Variants in ADGRB3 observed in about 807,000 individuals in gnomAD.
ADGRB3 encodes adhesion G protein-coupled receptor B3, also known as brain-specific angiogenesis inhibitor 3.
In ADGRB3, 37 loss-of-function variants were observed where a neutral mutation model predicts 193.4. The ratio of observed to expected loss-of-function variants is 0.19; its 90% CI spans 0.15 to 0.25. The LOEUF (loss-of-function observed/expected upper bound fraction) is 0.25, where lower values mean the gene tolerates loss of function less well. Ranked by LOEUF, ADGRB3 falls within the 10% of genes least tolerant of loss-of-function variation. ADGRB3 has a pLI of 1.00. For synonymous variants in ADGRB3, 690 were observed against 644.2 expected, an observed-to-expected ratio of 1.07 and a Z score of -1.08; for missense variants, 1,637 against 1,852.9, an observed-to-expected ratio of 0.88 and a Z score of 2.14.
chr6:69,318,681 A>C (rs1768370554), intron 20 of ADGRB3, among the ~76,000 whole-genome samples: 1 of 151,306 alleles, frequency 6.6e-6, no homozygotes, highest in Non-Finnish European at 1.5e-5. Flanking sequence ...GGAAAATGAT[A>C]CTGAAATGAT....
chr6:69,219,874 T>C (rs1468949460), intron 17 of ADGRB3, among the ~76,000 whole-genome samples: 1 of 152,010 alleles, frequency 6.6e-6, no homozygotes, highest in African/African-American at 2.4e-5. Context: ...ATATGTGTAA[T>C]GTACATTATA....
chr6:68,684,894 A>G (rs1006374119), intron 3 of ADGRB3, among the ~76,000 whole-genome samples: 14 of 152,126 alleles, frequency 9.2e-5, no homozygotes, highest in South Asian at 2.1e-4. Context: ...ATGGGGTAAC[A>G]TGATGGACAA....
chr6:69,106,140 C>T (rs1418811331), intron 17 of ADGRB3, among the ~76,000 whole-genome samples: 1 of 103,364 alleles, frequency 9.7e-6, no homozygotes, highest in Admixed American at 1.5e-4. Flanking sequence ...GCCTGGGCAA[C>T]AGGCTTTTTC....
chr6:68,726,404 G>C (rs1240874826), intron 3 of ADGRB3, among the ~76,000 whole-genome samples: 1 of 151,554 alleles, frequency 6.6e-6, no homozygotes, highest in Non-Finnish European at 1.5e-5. Flanking sequence ...TTCCTGGTCT[G>C]ATATGTTATC....
At chr6:69,220,655 T>A (rs2127249309) in intron 17 of ADGRB3, among the ~76,000 whole-genome samples, 1 of 152,202 alleles carries the variant, frequency 6.6e-6, no homozygotes, top group African/African-American at 2.4e-5. Flanking sequence ...ACAGTTGAGA[T>A]CCAAAACAGG....
chr6:69,075,966 T>C (rs769006207), intron 16 of ADGRB3, 29 bp from the exon 17 acceptor site: 7 of 1,567,634 alleles, frequency 4.5e-6, no homozygotes, highest in African/African-American at 2.7e-5. Context: ...ACTCAAGATA[T>C]ATGCATTCTT....
intron 20 of ADGRB3, among the ~76,000 whole-genome samples, chr6:69,312,373 T>G (rs557844903): frequency 6.6e-6 from 1 of 151,802 alleles, no homozygotes; most frequent in South Asian, 2.1e-4. Flanking sequence ...TTTTTGGAGA[T>G]AGTAGGCTTG....
At chr6:68,883,916 A>C (rs1196412895) in intron 3 of ADGRB3, among the ~76,000 whole-genome samples, 1 of 152,198 alleles carries the variant, frequency 6.6e-6, no homozygotes, top group Non-Finnish European at 1.5e-5. Flanking sequence ...GGAATTAATA[A>C]GGCTTGAACT....
chr6:68,830,469 G>T (rs1224480144), intron 3 of ADGRB3, among the ~76,000 whole-genome samples: 1 of 152,072 alleles, frequency 6.6e-6, no homozygotes, highest in Admixed American at 6.6e-5. Flanking sequence ...GCATTCAGAC[G>T]TTTGGCAATA....
At position 69,383,175 on chromosome 6, in the gene ADGRB3, A is replaced by G. The variant is rs144042322; in HGVS notation, c.4380+240A>G. 6.2e-3 allele frequency among the ~76,000 whole-genome samples: 936 copies of G among 152,170 alleles called. 11 individuals carry two copies. Among genetic ancestry groups the G allele is most frequent in the African/African-American group, 0.022 (898 of 41,550 alleles). ...ATAAGCTTTCATTAGAGTTAGTTTT[A>G]TATCAAAACTATATTGGCTTCATCT... On this transcript the variant is annotated intron_variant, in intron 31 of 31. Coordinates refer to ENST00000370598, the MANE Select transcript of ADGRB3 (RefSeq NM_001704.3).
At chr6:69,048,870 A>T (rs1271156921) in intron 14 of ADGRB3, among the ~76,000 whole-genome samples, 2 of 152,162 alleles carry the variant, frequency 1.3e-5, no homozygotes, top group African/African-American at 4.8e-5. Context: ...TTGAGAAAAA[A>T]TTAAGTTTTT....
chr6:69,279,328 C>G (rs1767380166), intron 20 of ADGRB3, among the ~76,000 whole-genome samples: 1 of 151,752 alleles, frequency 6.6e-6, no homozygotes, highest in Admixed American at 6.6e-5. Context: ...CAGTTGTGAT[C>G]ATGTGGCTGA....
At position 69,143,233 on chromosome 6, in the gene ADGRB3, A is replaced by AT. The variant is rs562528482; in HGVS notation, c.2480+67205dup. On this transcript the variant is annotated intron_variant, in intron 17 of 31. Transcript: ENST00000370598. ...TTGCTCATTTTAATTGAATTCACAG[A>AT]TTTTTTTTTTCCTTTAGAGTTGTTT... Among the ~76,000 whole-genome samples the AT allele has an allele frequency of 2.0e-3, 296 of 150,042 alleles. 1 individual carries two copies. Among genetic ancestry groups the AT allele is most frequent in the South Asian group, 0.018 (86 of 4,728 alleles).
intron 20 of ADGRB3, among the ~76,000 whole-genome samples, chr6:69,244,263 T>C (rs1370664169): frequency 6.6e-6 from 1 of 152,042 alleles, no homozygotes; most frequent in Non-Finnish European, 1.5e-5. Flanking sequence ...TTTATAAAGA[T>C]GTTATATTTT....
At chr6:69,379,866 AT>A (rs1270797915) in intron 30 of ADGRB3, among the ~76,000 whole-genome samples, 1 of 151,962 alleles carries the variant, frequency 6.6e-6, no homozygotes, top group Non-Finnish European at 1.5e-5. Flanking sequence ...AGGGCCCCAT[AT>A]TTCAGCATAC....
At chr6:69,192,608 G>C (rs1200204552) in intron 17 of ADGRB3, among the ~76,000 whole-genome samples, 1 of 151,998 alleles carries the variant, frequency 6.6e-6, no homozygotes. Flanking sequence ...ATGGTAAAAT[G>C]GTTCTAAACT....
intron 3 of ADGRB3, among the ~76,000 whole-genome samples, chr6:68,902,007 G>T (rs1766407189): frequency 6.6e-6 from 1 of 151,984 alleles, no homozygotes; most frequent in African/African-American, 2.4e-5. Flanking sequence ...ATGAATTTGT[G>T]TTAAGAACTA....
chr6:68,726,246 TA>T (rs1765672350), intron 3 of ADGRB3, among the ~76,000 whole-genome samples: 1 of 151,686 alleles, frequency 6.6e-6, no homozygotes, highest in Admixed American at 6.6e-5. Flanking sequence ...AAAACTCACT[TA>T]TACCAGGGAT....
intron 20 of ADGRB3, among the ~76,000 whole-genome samples, chr6:69,297,168 G>A (rs2127294911): frequency 6.6e-6 from 1 of 152,166 alleles, no homozygotes; most frequent in South Asian, 2.1e-4. Flanking sequence ...CAGTGATAAT[G>A]GAAGTCATGG....
Sources: allele counts gnomAD v4.1 joint callset (sites outside exome capture counted in the v4.1 genomes callset), GRCh38; gene constraint gnomAD v4.1.1; transcripts MANE v1.5; gene names NCBI Gene and HGNC (gene_info 2026-07-23, HGNC 2026-07-21).